PDE10A: variants seen among roughly 807,000 people sequenced by gnomAD.
PDE10A encodes the protein cAMP and cAMP-inhibited cGMP 3',5'-cyclic phosphodiesterase 10A.
A neutral mutation model predicts 97.7 loss-of-function variants in PDE10A; 39 were observed. The observed-to-expected ratio is 0.40, with a 90% CI of 0.31 to 0.52. The LOEUF (loss-of-function observed/expected upper bound fraction) is 0.52. Among genes scored for constraint, PDE10A ranks in the 20% least tolerant of loss-of-function variants. The probability of loss-of-function intolerance (pLI) is 0.56; values close to 1 mark genes in which losing one functional copy is unlikely to be tolerated. For synonymous variants in PDE10A, 371 were observed against 376.8 expected (o/e 0.98, Z 0.18); for missense variants, 731 against 1,047.8 (o/e 0.70, Z 4.17).
chr6:165,897,402 G>T (rs1023365337), intron 1 of PDE10A, among the ~76,000 whole-genome samples: 2 of 152,046 alleles, frequency 1.3e-5, no homozygotes. Context: ...TCTGGGAGTG[G>T]GCACCATCCA....
chr6:165,396,788 C>G (rs1786202463), intron 13 of PDE10A, among the ~76,000 whole-genome samples: 1 of 152,116 alleles, frequency 6.6e-6, no homozygotes, highest in African/African-American at 2.4e-5. Flanking sequence ...ATTTTATTAT[C>G]AGAAAATGAA....
At chr6:165,824,820 T>C (rs1159848738) in intron 1 of PDE10A, among the ~76,000 whole-genome samples, 1 of 151,962 alleles carries the variant, frequency 6.6e-6, no homozygotes, top group East Asian at 1.9e-4. Context: ...TTGAACACTG[T>C]TGCATTGTAT....
intron 18 of PDE10A, among the ~76,000 whole-genome samples, chr6:165,366,033 T>G (rs933922815): frequency 2.1e-4 from 32 of 152,284 alleles, no homozygotes; most frequent in African/African-American, 7.5e-4. Context: ...TTAGAAAATT[T>G]AAAAACCTAT....
In PDE10A at chr6:165,418,553, T is replaced by C. The variant is rs549040700; in HGVS notation, c.1796+82A>G. The C allele has an allele frequency of 1.5e-6, 2 of 1,302,356 alleles. No individual in the cohort carries two copies. Among genetic ancestry groups the C allele is most frequent in the African/African-American group, 1.5e-5 (1 of 68,424 alleles). 80.7% of individuals were successfully genotyped at this position (1,302,356 alleles called of 1,614,324 possible). ...GTATGACAAGTATTGTCAGCATACC[T>C]GTGAATAGGCACAGAAAAATGGGTA... On this transcript the variant is annotated intron_variant, in intron 11 of 21. Coordinates refer to ENST00000539869, the MANE Select transcript of PDE10A (RefSeq NM_001385079.1). The surrounding 1 kb of genome is among the most constrained non-coding windows in gnomAD (Gnocchi z 4.8).
At chr6:165,894,441 G>T (rs549584510) in intron 1 of PDE10A, 6 of 455,762 alleles carry the variant, frequency 1.3e-5, no homozygotes, top group African/African-American at 1.2e-4. Context: ...CTGCATTCAG[G>T]CTCCAAAAAA....
At chr6:165,807,743 G>A (rs556054664) in intron 1 of PDE10A, among the ~76,000 whole-genome samples, 1 of 152,136 alleles carries the variant, frequency 6.6e-6, no homozygotes, top group Non-Finnish European at 1.5e-5. Flanking sequence ...GCTTGCCGGC[G>A]GCAGTGGTTC....
chr6:165,476,464 G>A (rs569834087), intron 3 of PDE10A, among the ~76,000 whole-genome samples: 75 of 152,228 alleles, frequency 4.9e-4, no homozygotes, highest in Non-Finnish European at 1.0e-3. Flanking sequence ...CAATGACAAA[G>A]AGAATAAATC....
rs892346349 is a variant in PDE10A, at chr6:165,627,673, C to G, written c.865+34274G>C. ...GAGTAATCAAACACCACACAAAACACCCAGTTTACAAACGGCAGGGATTTT... is the reference window on the plus strand; with the variant it reads ...GAGTAATCAAACACCACACAAAACAGCCAGTTTACAAACGGCAGGGATTTT... On this transcript the variant is annotated intron_variant, in intron 1 of 21. Coordinates refer to ENST00000539869, the MANE Select transcript of PDE10A (RefSeq NM_001385079.1). Among the ~76,000 whole-genome samples, 4 of 152,332 alleles carry G rather than the reference C, an allele frequency of 2.6e-5. No individual in the cohort carries two copies. The East Asian group carries it at 5.8e-4, about 22-fold the overall frequency.
intron 1 of PDE10A, among the ~76,000 whole-genome samples, chr6:165,605,999 C>A (rs1299437997): frequency 3.9e-5 from 6 of 152,022 alleles, no homozygotes; most frequent in Non-Finnish European, 5.9e-5. Flanking sequence ...ATTTCTGATT[C>A]ATCTTTTGAT....
chr6:165,443,696 T>C (rs759103139), intron 5 of PDE10A, among the ~76,000 whole-genome samples: 3 of 152,204 alleles, frequency 2.0e-5, no homozygotes, highest in African/African-American at 7.2e-5. Flanking sequence ...TCTGCCTGGA[T>C]ATCCAGGCAT....
chr6:165,357,740 T>G (rs78819738), intron 18 of PDE10A, among the ~76,000 whole-genome samples: 10,198 of 124,474 alleles, frequency 0.082, 430 homozygotes, highest in African/African-American at 0.16. Context: ...GGTGTTAATA[T>G]TTTCTTTTTT....
intron 1 of PDE10A, among the ~76,000 whole-genome samples, chr6:165,621,881 C>G (rs1282406876): frequency 1.3e-5 from 2 of 152,172 alleles, no homozygotes; most frequent in African/African-American, 4.8e-5. Flanking sequence ...TGATGGTTAA[C>G]TCTATAAGAC....
chr6:165,755,560 G>A (rs1039225433), intron 1 of PDE10A, among the ~76,000 whole-genome samples: 1 of 152,190 alleles, frequency 6.6e-6, no homozygotes, highest in African/African-American at 2.4e-5. Flanking sequence ...AAGCGTCAAA[G>A]CTGTTCTGTA....
intron 1 of PDE10A, among the ~76,000 whole-genome samples, chr6:165,596,634 G>A (rs1450155107): frequency 1.3e-5 from 2 of 152,126 alleles, no homozygotes; most frequent in Non-Finnish European, 1.5e-5. Context: ...AGAGGCTGAG[G>A]TGGGAGGACT....
chr6:165,640,267 C>T (rs117622117), intron 1 of PDE10A, among the ~76,000 whole-genome samples: 3,433 of 152,106 alleles, frequency 0.023, 57 homozygotes, highest in Middle Eastern at 0.075. Context: ...TTAAAAATTG[C>T]CTGCCTTTCT....
intron 1 of PDE10A, among the ~76,000 whole-genome samples, chr6:165,749,271 A>G (rs1792922778): frequency 1.4e-5 from 2 of 143,070 alleles, no homozygotes; most frequent in Admixed American, 1.4e-4. Context: ...TACCACCATC[A>G]TCACCATTAC....
At chr6:165,518,687 A>G (rs1781960677) in intron 2 of PDE10A, among the ~76,000 whole-genome samples, 1 of 152,228 alleles carries the variant, frequency 6.6e-6, no homozygotes, top group East Asian at 1.9e-4. Context: ...AAGGAAAGAA[A>G]AAACAATTGT....
At chr6:165,850,697 G>A (rs1015619930) in intron 1 of PDE10A, among the ~76,000 whole-genome samples, 1 of 152,112 alleles carries the variant, frequency 6.6e-6, no homozygotes, top group South Asian at 2.1e-4. Context: ...CTTCACAGAG[G>A]GCGTGAATGG....
intron 3 of PDE10A, among the ~76,000 whole-genome samples, chr6:165,464,905 ATTGCTGGACATT>A (rs1778544590): frequency 6.6e-6 from 1 of 152,180 alleles, no homozygotes; most frequent in Non-Finnish European, 1.5e-5. Flanking sequence ...CTGCCATACT[ATTGCTGGACATT>A]TGGGATGTTT....
Sources: allele counts gnomAD v4.1 joint callset (sites outside exome capture counted in the v4.1 genomes callset), GRCh38; gene constraint gnomAD v4.1.1; non-coding constraint Gnocchi (gnomAD v3.1); transcripts MANE v1.5; gene names NCBI Gene and HGNC (gene_info 2026-07-23, HGNC 2026-07-21).